Variants in RGPD3 observed in about 807,000 individuals in gnomAD.
The protein encoded by RGPD3 is RANBP2 like and GRIP domain containing 3.
Under a neutral mutation model 154.5 loss-of-function variants are expected in RGPD3, and 62 were observed. The ratio of observed to expected loss-of-function variants is 0.40; its 90% CI spans 0.33 to 0.50. The LOEUF is 0.50. Ranked by LOEUF, RGPD3 falls within the 20% of genes least tolerant of loss-of-function variation. The pLI, the probability that RGPD3 is intolerant of heterozygous loss-of-function variation, is 0.59. For missense variants in RGPD3, 919 were observed against 1,716.8 expected, an observed-to-expected ratio of 0.54 and a Z score of 8.21; for synonymous variants, 308 against 607.0, an observed-to-expected ratio of 0.51 and a Z score of 7.24.
intron 22 of RGPD3, among the ~76,000 whole-genome samples, chr2:106,409,871 C>CTT (rs57602292): frequency 0.13 from 11,800 of 94,282 alleles, 1,050 homozygotes; most frequent in Non-Finnish European, 0.14. Context: ...TTGTAGTTTA[C>CTT]TTTTTTTTTT....
Position 106,435,065 on chromosome 2 carries a change from T to A in RGPD3, c.1896A>T (p.Lys632Asn). Residue 632 changes from lysine to asparagine, a missense_variant, in exon 13 of 23, where the codon AAA becomes AAT. Coordinates refer to ENST00000409886, the MANE Select transcript of RGPD3 (RefSeq NM_001144013.2). ...CCTGAATGTCTACACTATGAAAATG[T>A]TTAAACAGAGGATCAATAGGTTCAG... Reference protein sequence around the residue: ...SIPEPIDPLFKHFHSVDIQAS... With the variant: ...SIPEPIDPLFNHFHSVDIQAS... 1.7e-6 allele frequency: 1 copy of A among 595,808 alleles called. No homozygotes were observed. Among genetic ancestry groups the A allele is most frequent in the Non-Finnish European group, 3.0e-6 (1 of 335,126 alleles). The allele number at this position is 595,808 out of a possible 1,614,324, so 36.9% of individuals were successfully genotyped here. A position where few individuals can be genotyped will look rare whatever the true frequency, so the allele number is the denominator to read the frequency against.
intron 6 of RGPD3, among the ~76,000 whole-genome samples, chr2:106,449,153 T>C (rs1379646744): frequency 6.6e-6 from 1 of 151,802 alleles, no homozygotes; most frequent in Non-Finnish European, 1.5e-5. Context: ...TGTTGGAAAA[T>C]AGTTATTTTT....
intron 9 of RGPD3, among the ~76,000 whole-genome samples, chr2:106,438,587 G>C (rs1304038681): frequency 6.6e-6 from 1 of 151,816 alleles, no homozygotes; most frequent in East Asian, 2.0e-4. Flanking sequence ...TTTGAGACCA[G>C]CCTGACCAAC....
At chr2:106,451,698 G>C (rs1208124983) in intron 6 of RGPD3, among the ~76,000 whole-genome samples, 1 of 151,250 alleles carries the variant, frequency 6.6e-6, no homozygotes, top group African/African-American at 2.4e-5. Flanking sequence ...TTTCAAAATG[G>C]AGACACTGGT....
At chr2:106,438,311 C>A (rs949485583) in intron 9 of RGPD3, among the ~76,000 whole-genome samples, 3 of 151,414 alleles carry the variant, frequency 2.0e-5, no homozygotes, top group Non-Finnish European at 4.4e-5. Flanking sequence ...AAAGGGAGAC[C>A]CTGTCTCTAC....
intron 4 of RGPD3, among the ~76,000 whole-genome samples, chr2:106,455,972 A>AT (rs1230284957): frequency 1.7e-5 from 1 of 57,798 alleles, no homozygotes; most frequent in African/African-American, 7.3e-5. Flanking sequence ...CAGATTTTGA[A>AT]TTTTTTCAGA....
chr2:106,464,718 A>G (rs1318975369), intron 1 of RGPD3, among the ~76,000 whole-genome samples: 1 of 146,958 alleles, frequency 6.8e-6, no homozygotes, highest in South Asian at 2.2e-4. Context: ...AAAATTATAT[A>G]TTTTTTTCTT....
intron 9 of RGPD3, among the ~76,000 whole-genome samples, chr2:106,438,056 G>T (rs1329078827): frequency 6.6e-6 from 1 of 152,154 alleles, no homozygotes; most frequent in Non-Finnish European, 1.5e-5. Flanking sequence ...TCAGCCTCCT[G>T]AGTAGGGACT....
chr2:106,449,527 T>C (rs933851465), intron 6 of RGPD3, among the ~76,000 whole-genome samples: 4 of 151,794 alleles, frequency 2.6e-5, no homozygotes, highest in African/African-American at 9.7e-5. Flanking sequence ...ATTACATTTT[T>C]AATGGATTAC....
chr2:106,449,743 C>A (rs1487935172), intron 6 of RGPD3, among the ~76,000 whole-genome samples: 3 of 151,170 alleles, frequency 2.0e-5, no homozygotes, highest in Non-Finnish European at 2.9e-5. Context: ...ACCAGCCGGG[C>A]GCGGTGGCTC....
intron 1 of RGPD3, among the ~76,000 whole-genome samples, chr2:106,459,780 TG>T (rs1678358031): frequency 7.1e-6 from 1 of 141,194 alleles, no homozygotes; most frequent in African/African-American, 2.7e-5. Context: ...GCTGAGATTG[TG>T]CCATTGCACT....
At chr2:106,467,665 G>A (rs868623762) in intron 1 of RGPD3, among the ~76,000 whole-genome samples, 3 of 138,592 alleles carry the variant, frequency 2.2e-5, no homozygotes, top group South Asian at 4.4e-4. Context: ...AGCAGCGCCC[G>A]TCGGGAGCCA....
intron 7 of RGPD3, among the ~76,000 whole-genome samples, chr2:106,441,685 T>A (rs1442030139): frequency 3.5e-5 from 5 of 144,528 alleles, no homozygotes; most frequent in Non-Finnish European, 6.0e-5. Context: ...TGAAACACAG[T>A]CTCTACTAAA....
At chr2:106,421,832 C>A (rs915098410) in intron 20 of RGPD3, among the ~76,000 whole-genome samples, 751 of 150,132 alleles carry the variant, frequency 5.0e-3, no homozygotes, top group African/African-American at 0.018. Flanking sequence ...ATTGAGCAGA[C>A]CTGAAATAGC....
At chr2:106,430,316 C>T (rs548941930) in intron 17 of RGPD3, among the ~76,000 whole-genome samples, 24 of 147,854 alleles carry the variant, frequency 1.6e-4, no homozygotes, top group African/African-American at 6.0e-4. Flanking sequence ...AATTCATTAA[C>T]TCTCTCACCT....
At chr2:106,408,846 C>A (rs116695826) in intron 22 of RGPD3, among the ~76,000 whole-genome samples, 4 of 151,304 alleles carry the variant, frequency 2.6e-5, no homozygotes, top group Non-Finnish European at 4.4e-5. Flanking sequence ...GCCACCAGAA[C>A]GGGCATATTT....
chr2:106,469,567 A>G, upstream of RGPD3, among the ~76,000 whole-genome samples: 1 of 152,160 alleles, frequency 6.6e-6, no homozygotes, highest in Admixed American at 6.5e-5. Flanking sequence ...AAACATCCAC[A>G]CTCACATGTC....
At chr2:106,470,732 A>G (rs1291382695), upstream of RGPD3, 2 of 1,473,912 alleles carry the variant, frequency 1.4e-6, no homozygotes, top group African/African-American at 2.9e-5. Context: ...AACCATGGAA[A>G]GAACTAATGT....
At chr2:106,465,850 A>G (rs1678558414) in intron 1 of RGPD3, among the ~76,000 whole-genome samples, 1 of 151,706 alleles carries the variant, frequency 6.6e-6, no homozygotes, top group Non-Finnish European at 1.5e-5. Flanking sequence ...CAAACACCTC[A>G]TACTCAAAAC....
Sources: gnomAD v4.1 joint callset for allele counts (sites outside exome capture counted in the v4.1 genomes callset) on GRCh38, gnomAD v4.1.1 for gene constraint, MANE v1.5 for transcripts, NCBI Gene and HGNC (gene_info 2026-07-23, HGNC 2026-07-21) for gene names.